The following SORBS2 variants were observed in gnomAD, a reference collection of about 807,000 sequenced individuals.
SORBS2 encodes sorbin and SH3 domain-containing protein 2.
SORBS2 carries 46 observed loss-of-function variants against 97.7 expected under a neutral mutation model. That is an observed-to-expected ratio of 0.47 (90% CI 0.37 to 0.60). The LOEUF (loss-of-function observed/expected upper bound fraction) is 0.60. SORBS2 is among the 20% of genes least tolerant of loss of function. SORBS2 has a pLI of 0.00. For missense variants in SORBS2, 1,316 were observed against 1,282.3 expected (o/e 1.03, Z -0.40); for synonymous variants, 476 against 473.4 (o/e 1.01, Z -0.07).
chr4:185,642,617 A>G (rs1003661735), intron 4 of SORBS2, among the ~76,000 whole-genome samples: 5 of 152,220 alleles, frequency 3.3e-5, no homozygotes, highest in African/African-American at 1.2e-4. Context: ...ATTAGGCCCA[A>G]TTAATTAACA....
intron 1 of SORBS2, chr4:185,656,583 G>T (rs1377355706): frequency 1.4e-6 from 2 of 1,463,230 alleles, no homozygotes; most frequent in African/African-American, 1.4e-5. Flanking sequence ...ATATGCAGCT[G>T]CAGTCCCTCC....
intron 2 of SORBS2, among the ~76,000 whole-genome samples, chr4:185,759,670 G>C (rs996810198): frequency 1.3e-5 from 2 of 151,776 alleles, no homozygotes; most frequent in Non-Finnish European, 1.5e-5. Context: ...ATAATTTGAT[G>C]ATATTAAGCT....
At chr4:185,690,041 AGTT>A (rs1454313864) in intron 2 of SORBS2, among the ~76,000 whole-genome samples, 5 of 152,342 alleles carry the variant, frequency 3.3e-5, no homozygotes, top group African/African-American at 7.2e-5. Flanking sequence ...TTAGAGACAC[AGTT>A]GTTAAGTTAT....
chr4:185,855,265 G>A (rs986434878), intron 1 of SORBS2, among the ~76,000 whole-genome samples: 1 of 152,138 alleles, frequency 6.6e-6, no homozygotes. Flanking sequence ...TTGAAGCTGT[G>A]CATAGGGTAA....
chr4:185,882,230 A>G (rs1240459376), intron 1 of SORBS2, among the ~76,000 whole-genome samples: 1 of 152,190 alleles, frequency 6.6e-6, no homozygotes, highest in Admixed American at 6.5e-5. Context: ...TACTGGAACT[A>G]ATGAGTGGGT....
chr4:185,588,822 C>T (rs1309383898), intron 14 of SORBS2, among the ~76,000 whole-genome samples: 1 of 152,152 alleles, frequency 6.6e-6, no homozygotes, highest in Non-Finnish European at 1.5e-5. Context: ...ACCATGTTGA[C>T]CAGGCTGGCC....
intron 1 of SORBS2, among the ~76,000 whole-genome samples, chr4:185,906,256 C>A (rs1282243790): frequency 6.6e-6 from 1 of 152,014 alleles, no homozygotes; most frequent in African/African-American, 2.4e-5. Context: ...TGGTCTCAAA[C>A]TCCTGACCTC....
intron 1 of SORBS2, among the ~76,000 whole-genome samples, chr4:185,921,382 T>A (rs2099260861): frequency 1.3e-5 from 2 of 152,180 alleles, no homozygotes; most frequent in Admixed American, 1.3e-4. Context: ...AAGTTAACCA[T>A]CTCCCGATAA....
At chr4:185,833,470 C>T (rs1368700605) in intron 1 of SORBS2, among the ~76,000 whole-genome samples, 2 of 152,160 alleles carry the variant, frequency 1.3e-5, no homozygotes, top group East Asian at 1.9e-4. Context: ...TCAAATGAAA[C>T]CAGTTAAGCA....
At chr4:185,589,354 C>A (rs1243566394) in intron 14 of SORBS2, 1 of 287,130 alleles carries the variant, frequency 3.5e-6, no homozygotes, top group African/African-American at 2.2e-5. Flanking sequence ...CAGCACAGAG[C>A]GTTGATATTT....
chr4:185,918,734 C>T (rs12641600), intron 1 of SORBS2, among the ~76,000 whole-genome samples: 76,024 of 152,012 alleles, frequency 0.5, 19,246 homozygotes, highest in East Asian at 0.68. Flanking sequence ...GTCACAGCAC[C>T]GAAAATAGTC....
chr4:185,848,068 C>T (rs369833478), intron 1 of SORBS2, among the ~76,000 whole-genome samples: 1 of 152,080 alleles, frequency 6.6e-6, no homozygotes, highest in South Asian at 2.1e-4. Flanking sequence ...CCAGAAAATT[C>T]GACAGACTCA....
At chr4:185,700,405 T>G (rs1359583015) in intron 2 of SORBS2, among the ~76,000 whole-genome samples, 1 of 152,090 alleles carries the variant, frequency 6.6e-6, no homozygotes, top group Non-Finnish European at 1.5e-5. Flanking sequence ...ATGGTGAGTT[T>G]CCAGGTGACT....
At chr4:185,872,770 A>T (rs1013503742) in intron 1 of SORBS2, among the ~76,000 whole-genome samples, 4 of 152,214 alleles carry the variant, frequency 2.6e-5, no homozygotes, top group African/African-American at 4.8e-5. Flanking sequence ...CTGAGCTTCC[A>T]TCTTGTCCCA....
At chr4:185,817,165 T>A (rs1050542957) in intron 1 of SORBS2, among the ~76,000 whole-genome samples, 1 of 151,988 alleles carries the variant, frequency 6.6e-6, no homozygotes, top group Admixed American at 6.6e-5. Context: ...TGTGTTAATA[T>A]GTGTCAGTAC....
chr4:185,873,412 AC>A (rs2099231534), intron 1 of SORBS2, among the ~76,000 whole-genome samples: 1 of 152,206 alleles, frequency 6.6e-6, no homozygotes, highest in Admixed American at 6.5e-5. Context: ...TGATTCCAAT[AC>A]AAATCCAGCA....
At chr4:185,609,997 G>T (rs1046796469) in intron 12 of SORBS2, among the ~76,000 whole-genome samples, 1 of 152,096 alleles carries the variant, frequency 6.6e-6, no homozygotes, top group Non-Finnish European at 1.5e-5. Context: ...CCAGCAGTGA[G>T]CAATAAAAAA....
intron 1 of SORBS2, among the ~76,000 whole-genome samples, chr4:185,840,419 G>A (rs1368041455): frequency 6.6e-6 from 1 of 152,138 alleles, no homozygotes; most frequent in Non-Finnish European, 1.5e-5. Flanking sequence ...CTCCTATTCA[G>A]ATGAATAACT....
chr4:185,587,770 A>G, intron 14 of SORBS2, 82 bp from the exon 27 acceptor site: 2 of 1,079,122 alleles, frequency 1.9e-6, no homozygotes, highest in East Asian at 2.4e-5. Context: ...CCCATTTACA[A>G]GGCCTCGGAA....
Sources: allele counts gnomAD v4.1 joint callset (sites outside exome capture counted in the v4.1 genomes callset), GRCh38; gene constraint gnomAD v4.1.1; transcripts MANE v1.5; gene names NCBI Gene and HGNC (gene_info 2026-07-23, HGNC 2026-07-21).